ADAM8: variants seen among roughly 807,000 people sequenced by gnomAD.
ADAM8 encodes the protein disintegrin and metalloproteinase domain-containing protein 8.
A neutral mutation model predicts 102.4 loss-of-function variants in ADAM8; 104 were observed. The ratio of observed to expected loss-of-function variants is 1.02; its 90% confidence interval spans 0.87 to 1.20. The LOEUF (loss-of-function observed/expected upper bound fraction) is 1.20. Ranked by LOEUF, ADAM8 falls within the 50% of genes most tolerant of loss-of-function variation. ADAM8 has a pLI of 0.00. For synonymous variants in ADAM8, 517 were observed against 485.2 expected (o/e 1.07, Z -0.86); for missense variants, 1,132 against 1,159.0 (o/e 0.98, Z 0.34).
chr10:133,276,823 G>T lies in ADAM8; in HGVS notation c.-6C>A. 1.3e-6 allele frequency: 2 copies of T among 1,525,560 alleles called. No individual in the cohort carries two copies. Among genetic ancestry groups the T allele is most frequent in the African/African-American group, 2.9e-5 (2 of 70,102 alleles). The allele number at this position is 1,525,560 out of a possible 1,614,324, so 94.5% of individuals were successfully genotyped here. ...CAGAGCCCGAGGCCGCGCATGGCCGGGTCGGGGAGCAGAGGCGGAGGTGAC... is the reference window on the plus strand; with the variant it reads ...CAGAGCCCGAGGCCGCGCATGGCCGTGTCGGGGAGCAGAGGCGGAGGTGAC... On this transcript the variant is annotated 5_prime_UTR_variant, in exon 1 of 23. Coordinates refer to ENST00000445355, the MANE Select transcript of ADAM8 (RefSeq NM_001109.5).
At chr10:133,268,946 CT>C in intron 18 of ADAM8, 84 bp from the exon 19 acceptor site, 5 of 1,535,570 alleles carry the variant, frequency 3.3e-6, no homozygotes, top group Non-Finnish European at 4.4e-6. Flanking sequence ...CACGGTCTTT[CT>C]CAGCACCCCC....
chr10:133,274,472 AGGCGGGGGGCGGAGGGCAGAGGGTGGGG>A (rs1846670832), intron 2 of ADAM8, among the ~76,000 whole-genome samples: 1 of 19,026 alleles, frequency 5.3e-5, no homozygotes, highest in Non-Finnish European at 1.0e-4. Context: ...TGGAGGGTGG[AGGCGGGGGGCGGAGGGCAGAGGGTGGGG>A]GGCGGGGGGT....
chr10:133,272,324 T>TTCCCCCCCCCC, intron 9 of ADAM8, 50 bp from the exon 10 acceptor site: 1 of 1,430,776 alleles, frequency 7.0e-7, no homozygotes, highest in Non-Finnish European at 9.4e-7. Context: ...CCTCCCCACT[T>TTCCCCCCCCCC]CCCTCCCACC....
chr10:133,268,607 G>C, intron 19 of ADAM8, 141 bp downstream of exon 19: 1 of 921,542 alleles, frequency 1.1e-6, no homozygotes, highest in Non-Finnish European at 1.6e-6. Flanking sequence ...AGCCCAAGCC[G>C]GGGGGCGTCA....
rs772335181 is a variant in ADAM8 at position 133,269,127 on chromosome 10, G to A, written c.1949-265C>T. 3.3e-5 allele frequency: 33 copies of A among 985,338 alleles called. 1 individual carries two copies. The highest frequency in any genetic ancestry group is 4.7e-5 in the South Asian group (1 of 21,298). The allele number at this position is 985,338 out of a possible 1,614,324, so 61.0% of individuals were successfully genotyped here. ...CTGGACGACCACATGCTCAGTGGCC[G>A]CCGGGGAGGAAATGCTGGGTGGCCT... On this transcript the variant is annotated intron_variant, in intron 18 of 22. Coordinates refer to ENST00000445355, the MANE Select transcript of ADAM8 (RefSeq NM_001109.5).
chr10:133,268,922 G>C, intron 18 of ADAM8, 60 bp from the exon 19 acceptor site: 1 of 1,565,056 alleles, frequency 6.4e-7, no homozygotes, highest in Admixed American at 1.8e-5. Flanking sequence ...AGGAGCCAGG[G>C]AGGTTCCCAG....
intron 5 of ADAM8, 39 bp from the exon 6 acceptor site, chr10:133,273,482 A>C (rs992940304): frequency 4.6e-6 from 7 of 1,509,136 alleles, no homozygotes; most frequent in Non-Finnish European, 6.2e-6. Context: ...TGGGCTTCAG[A>C]GTGGCCTGGT....
intron 22 of ADAM8, 81 bp downstream of exon 22, chr10:133,263,607 G>GCCGTGCCCCCGT: frequency 7.1e-7 from 1 of 1,408,958 alleles, no homozygotes; most frequent in Non-Finnish European, 9.5e-7. Context: ...ACCCTCCAGG[G>GCCGTGCCCCCGT]CAGTGCCACC....
At chr10:133,270,127 C>T (rs770210015) in intron 16 of ADAM8, among the ~76,000 whole-genome samples, 153 bp from the exon 17 acceptor site, 3 of 152,232 alleles carry the variant, frequency 2.0e-5, no homozygotes, top group Non-Finnish European at 2.9e-5. Flanking sequence ...CCCCCAAAGC[C>T]CCTGGGAAGT....
At chr10:133,269,115 T>C in intron 18 of ADAM8, 1 of 985,400 alleles carries the variant, frequency 1.0e-6, no homozygotes, top group Non-Finnish European at 1.2e-6. Flanking sequence ...GACGACCACA[T>C]GCTCAGTGGC....
At chr10:133,264,909 G>T (rs1846278386) in intron 21 of ADAM8, among the ~76,000 whole-genome samples, 1 of 130,558 alleles carries the variant, frequency 7.7e-6, no homozygotes, top group Non-Finnish European at 1.6e-5. Flanking sequence ...TCCATGCCCA[G>T]CTCCTGCTGC....
chr10:133,274,466 G>A lies in ADAM8; in HGVS notation c.151-231C>T, dbSNP rs1367165827. On this transcript the variant is annotated intron_variant, in intron 2 of 22. Coordinates refer to ENST00000445355, the MANE Select transcript of ADAM8 (RefSeq NM_001109.5). ...TGGAGGGTGGAGAGTGGAGGGTGGA[G>A]GGTGGAGGCGGGGGGCGGAGGGCAG... 6.1e-5 allele frequency among the ~76,000 whole-genome samples: 7 copies of A among 114,988 alleles called. No individual in the cohort carries two copies. The East Asian group carries it at 1.0e-3, about 16-fold the overall frequency. 75.4% of individuals were successfully genotyped at this position (114,988 alleles called of 152,430 possible). A position where few individuals can be genotyped will look rare whatever the true frequency, so the allele number is the denominator to read the frequency against.
intron 22 of ADAM8, among the ~76,000 whole-genome samples, 195 bp from the exon 23 acceptor site, chr10:133,263,428 C>G (rs12258162): frequency 7.2e-5 from 11 of 152,328 alleles, no homozygotes; most frequent in Admixed American, 7.2e-4. Context: ...GACAGACTTT[C>G]TTCCCTGCAG....
Position 133,276,851 on chromosome 10 carries a change from C to T in ADAM8, c.-34G>A. 1 of 1,513,046 alleles carries T rather than the reference C, an allele frequency of 6.6e-7. No individual in the cohort carries two copies. Among genetic ancestry groups the T allele is most frequent in the East Asian group, 2.7e-5 (1 of 37,000 alleles). The allele number at this position is 1,513,046 out of a possible 1,614,324, so 93.7% of individuals were successfully genotyped here. A position where few individuals can be genotyped will look rare whatever the true frequency, so the allele number is the denominator to read the frequency against. On this transcript the variant is annotated 5_prime_UTR_variant, in exon 1 of 23. Coordinates refer to ENST00000445355, the MANE Select transcript of ADAM8 (RefSeq NM_001109.5). The stretch of plus-strand genomic sequence containing the variant: ...CGGGGAGCAGAGGCGGAGGTGACAG[C>T]CCCGCGGGACACGGTCTGGTTCCTG...
chr10:133,269,518 G>A lies in ADAM8; in HGVS notation c.1875C>T (p.His625=), dbSNP rs1284189175. The part of the protein sequence containing the change: ...AQCHNHGVCN[H]KQECHCHAGW... Reference sequence around the variant, plus strand: ...CCGCGTGGCAGTGGCACTCCTGCTTGTGGTTGCACACCTGCGGGGACGGCT... The same window carrying A: ...CCGCGTGGCAGTGGCACTCCTGCTTATGGTTGCACACCTGCGGGGACGGCT... The change falls in exon 18 of 23, where the codon CAC becomes CAT. Residue 625 remains histidine (H), a synonymous_variant. Coordinates refer to ENST00000445355, the MANE Select transcript of ADAM8 (RefSeq NM_001109.5). 6.3e-7 allele frequency: 1 copy of A among 1,598,224 alleles called. No homozygotes were observed. Among genetic ancestry groups the A allele is most frequent in the Non-Finnish European group, 8.5e-7 (1 of 1,177,972 alleles).
chr10:133,273,166 C>A, intron 6 of ADAM8, 88 bp downstream of exon 6: 1 of 1,580,430 alleles, frequency 6.3e-7, no homozygotes, highest in Non-Finnish European at 8.6e-7. Context: ...ATGGGCAGCA[C>A]CCAGCACATG....
intron 2 of ADAM8, among the ~76,000 whole-genome samples, chr10:133,274,589 G>A (rs1431602468): frequency 5.3e-5 from 8 of 151,936 alleles, no homozygotes; most frequent in South Asian, 4.2e-4. Flanking sequence ...GGAAGGACAC[G>A]GTGCTCCTCG....
In ADAM8 at chr10:133,272,968, C is replaced by T. The variant is rs778944563; in HGVS notation, c.625G>A (p.Asp209Asn). Residue 209 changes from aspartate to asparagine, a missense_variant, in exon 7 of 23, where the codon GAC becomes AAC. Transcript: ENST00000445355. ...TRYVELYVVV[D>N]NAEFQMLGSE... ...TGCCCCCAACACACCTCTGCATTGT[C>T]CACGACCACATACAGCTCCACGTAG... 2.5e-6 allele frequency: 4 copies of T among 1,612,934 alleles called. No homozygotes were observed. Among genetic ancestry groups the T allele is most frequent in the Non-Finnish European group, 3.4e-6 (4 of 1,179,908 alleles).
At position 133,270,236 on chromosome 10, in the gene ADAM8, C is replaced by T. The variant is rs571535159; in HGVS notation, c.1785+124G>A. ...GAAACCTTTCAGTCTCTACTAGAAGCGCGGAGAGAACTCTGTTCCCATGGC... is the reference window on the plus strand; with the variant it reads ...GAAACCTTTCAGTCTCTACTAGAAGTGCGGAGAGAACTCTGTTCCCATGGC... On this transcript the variant is annotated intron_variant, in intron 16 of 22. Transcript: ENST00000445355. 3.2e-3 allele frequency: 4,214 copies of T among 1,299,460 alleles called. 7 individuals are homozygous for T. The highest frequency in any genetic ancestry group is 4.1e-3 in the Non-Finnish European group (3,941 of 952,296). The allele number at this position is 1,299,460 out of a possible 1,614,324, so 80.5% of individuals were successfully genotyped here. A position where few individuals can be genotyped will look rare whatever the true frequency, so the allele number is the denominator to read the frequency against.
Sources: gnomAD v4.1 joint callset for allele counts (sites outside exome capture counted in the v4.1 genomes callset) on GRCh38, gnomAD v4.1.1 for gene constraint, MANE v1.5 for transcripts, NCBI Gene and HGNC (gene_info 2026-07-23, HGNC 2026-07-21) for gene names.